ADAMTSL1: variants seen among roughly 807,000 people sequenced by gnomAD.
The protein encoded by ADAMTSL1 is ADAMTS-like protein 1.
In ADAMTSL1, 126 loss-of-function variants were observed where a neutral mutation model predicts 201.8. The observed-to-expected ratio is 0.62, with a 90% CI of 0.54 to 0.72. The LOEUF is 0.72. Ranked by LOEUF, ADAMTSL1 falls within the 30% of genes least tolerant of loss-of-function variation. The probability of loss-of-function intolerance (pLI) is 0.00; values close to 1 mark genes in which losing one functional copy is unlikely to be tolerated. For missense variants in ADAMTSL1, 2,679 were observed against 2,277.8 expected (o/e 1.18, Z -3.59); for synonymous variants, 1,121 against 903.4 (o/e 1.24, Z -4.32).
chr9:18,536,443 CTTTT>C (rs34201579), intron 3 of ADAMTSL1, among the ~76,000 whole-genome samples: 3 of 142,678 alleles, frequency 2.1e-5, no homozygotes, highest in East Asian at 2.1e-4. Context: ...CCCAGTTTCC[CTTTT>C]TTTTTTTTTT....
chr9:18,591,980 G>T (rs560808933), intron 4 of ADAMTSL1, among the ~76,000 whole-genome samples: 1 of 152,298 alleles, frequency 6.6e-6, no homozygotes, highest in Non-Finnish European at 1.5e-5. Context: ...TTGAAGTGTT[G>T]GTTGTGCAAT....
intron 14 of ADAMTSL1, among the ~76,000 whole-genome samples, chr9:18,712,511 G>T (rs1338777989): frequency 1.3e-5 from 2 of 151,992 alleles, no homozygotes; most frequent in Admixed American, 1.3e-4. Context: ...GATGGAAGAT[G>T]AAATGAATGA....
At chr9:18,385,191 A>G (rs1048674864) in intron 2 of ADAMTSL1, among the ~76,000 whole-genome samples, 3 of 152,128 alleles carry the variant, frequency 2.0e-5, no homozygotes, top group Non-Finnish European at 4.4e-5. Context: ...AACATAGAAA[A>G]TCTGATCCAC....
intron 1 of ADAMTSL1, among the ~76,000 whole-genome samples, chr9:17,991,936 C>G (rs893907564): frequency 6.6e-6 from 1 of 152,250 alleles, no homozygotes. Flanking sequence ...GCCCCTCTCT[C>G]TCATTGCTCC....
At position 18,177,597 on chromosome 9, in the gene ADAMTSL1, G is replaced by A. The variant is rs147641368; in HGVS notation, c.207+13616G>A. Among the ~76,000 whole-genome samples, 266 of 152,220 alleles carry A rather than the reference G, an allele frequency of 1.7e-3. 1 individual carries two copies. Among genetic ancestry groups the A allele is most frequent in the African/African-American group, 5.6e-3 (231 of 41,530 alleles). On this transcript the variant is annotated intron_variant, in intron 2 of 29. Transcript: ENST00000680146. ...TCCTTCTAAGTCATCCATGCCTCCCGTTCGCAAGGATACTTGGTGATCCAA... is the reference window on the plus strand; with the variant it reads ...TCCTTCTAAGTCATCCATGCCTCCCATTCGCAAGGATACTTGGTGATCCAA...
At chr9:18,558,984 T>A (rs1203162955) in intron 3 of ADAMTSL1, among the ~76,000 whole-genome samples, 3 of 152,238 alleles carry the variant, frequency 2.0e-5, no homozygotes, top group African/African-American at 4.8e-5. Flanking sequence ...GATAGTTTAT[T>A]TTGCTGTGCA....
chr9:18,853,889 CTGTG>C lies in ADAMTSL1; in HGVS notation c.4249+23939_4249+23942del, dbSNP rs71333070. Among the ~76,000 whole-genome samples, 50 of 120,362 alleles carry C rather than the reference CTGTG, an allele frequency of 4.2e-4. No homozygotes were observed. The South Asian group carries it at 0.012, about 28-fold the overall frequency. 79.0% of individuals were successfully genotyped at this position (120,362 alleles called of 152,430 possible). A position where few individuals can be genotyped will look rare whatever the true frequency, so the allele number is the denominator to read the frequency against. On this transcript the variant is annotated intron_variant, in intron 23 of 28. Transcript: ENST00000380548. ...TGTGGAGTCTACTTGTATTCACTCT[CTGTG>C]TGTGTGTGTGTGTGTGTGTGTGTGT...
chr9:18,481,204 C>T (rs1188477689), intron 1 of ADAMTSL1, among the ~76,000 whole-genome samples: 5 of 152,152 alleles, frequency 3.3e-5, no homozygotes, highest in Non-Finnish European at 7.4e-5. Context: ...TAGTTTCAAA[C>T]AATCTTTAAC....
intron 1 of ADAMTSL1, among the ~76,000 whole-genome samples, chr9:18,105,694 T>C (rs950717405): frequency 3.9e-5 from 6 of 152,200 alleles, no homozygotes; most frequent in African/African-American, 1.2e-4. Flanking sequence ...TGGGGCTGTT[T>C]CCATGGCGAA....
chr9:18,600,452 C>T (rs541909000), intron 4 of ADAMTSL1, among the ~76,000 whole-genome samples: 17 of 152,264 alleles, frequency 1.1e-4, no homozygotes, highest in African/African-American at 3.1e-4. Context: ...TTTTATTTTA[C>T]TGTACTGATT....
At chr9:18,721,182 T>C (rs1338567273) in intron 14 of ADAMTSL1, among the ~76,000 whole-genome samples, 1 of 152,228 alleles carries the variant, frequency 6.6e-6, no homozygotes, top group Non-Finnish European at 1.5e-5. Flanking sequence ...GGCCCCTTTT[T>C]TGCCACCCTG....
intron 2 of ADAMTSL1, among the ~76,000 whole-genome samples, chr9:18,275,402 T>C (rs774636843): frequency 1.3e-4 from 20 of 152,188 alleles, no homozygotes; most frequent in Non-Finnish European, 2.5e-4. Flanking sequence ...TACAGTTCTA[T>C]GAGTTTTGGT....
chr9:17,983,055 CT>C (rs1563932791), intron 1 of ADAMTSL1, among the ~76,000 whole-genome samples: 9 of 84,992 alleles, frequency 1.1e-4, no homozygotes, highest in African/African-American at 3.5e-4. Flanking sequence ...TTTTCTTTTT[CT>C]TTTCTTTCTT....
At chr9:18,897,446 C>T (rs1829716082) in intron 26 of ADAMTSL1, among the ~76,000 whole-genome samples, 1 of 152,172 alleles carries the variant, frequency 6.6e-6, no homozygotes, top group Non-Finnish European at 1.5e-5. Context: ...TCTCCAGACA[C>T]CTCCTACAGG....
intron 1 of ADAMTSL1, among the ~76,000 whole-genome samples, chr9:17,993,954 A>G (rs1435887209): frequency 2.0e-5 from 3 of 152,010 alleles, no homozygotes; most frequent in Non-Finnish European, 4.4e-5. Context: ...CTATGTTTTG[A>G]GAGACCAGAG....
chr9:18,906,252 A>G (rs1231785346), intron 27 of ADAMTSL1, among the ~76,000 whole-genome samples: 1 of 152,072 alleles, frequency 6.6e-6, no homozygotes, highest in Non-Finnish European at 1.5e-5. Context: ...ACTCTTGTTG[A>G]TCTCCCTCTA....
At position 18,236,782 on chromosome 9, in the gene ADAMTSL1, T is replaced by C. The variant is rs563498832; in HGVS notation, c.207+72801T>C. Among the ~76,000 whole-genome samples the C allele has an allele frequency of 1.9e-3, 289 of 152,330 alleles. 1 individual carries two copies. The highest frequency in any genetic ancestry group is 6.3e-3 in the African/African-American group (261 of 41,580). ...CATTATTATATATACTTTTGGAAAA[T>C]GCAAATGCAGTGCAATGCAAACAAT... On this transcript the variant is annotated intron_variant, in intron 2 of 29. Coordinates refer to the ADAMTSL1 transcript ENST00000680146.
intron 3 of ADAMTSL1, among the ~76,000 whole-genome samples, chr9:18,534,010 G>A (rs544515563): frequency 2.6e-5 from 4 of 152,288 alleles, no homozygotes; most frequent in Middle Eastern, 3.4e-3. Flanking sequence ...GAATGTCTGA[G>A]CACTAGTTTC....
chr9:18,152,347 G>A (rs1298546337), intron 1 of ADAMTSL1, among the ~76,000 whole-genome samples: 2 of 151,984 alleles, frequency 1.3e-5, no homozygotes, highest in African/African-American at 2.4e-5. Context: ...CAGGCACAGG[G>A]CACTGCAAAG....
Sources: allele counts gnomAD v4.1 joint callset (sites outside exome capture counted in the v4.1 genomes callset), GRCh38; gene constraint gnomAD v4.1.1; transcripts MANE v1.5; gene names NCBI Gene and HGNC (gene_info 2026-07-23, HGNC 2026-07-21).